SGPP2: variants seen among roughly 807,000 people sequenced by gnomAD.
SGPP2 encodes the protein sphingosine-1-phosphate phosphatase 2.
Under a neutral mutation model 33.9 loss-of-function variants are expected in SGPP2, and 30 were observed. The ratio of observed to expected loss-of-function variants is 0.89; its 90% confidence interval spans 0.66 to 1.20. The LOEUF (loss-of-function observed/expected upper bound fraction) is 1.20, where lower values mean the gene tolerates loss of function less well. Among genes scored for constraint, SGPP2 ranks in the 50% most tolerant of loss-of-function variants. SGPP2 has a pLI of 0.00. For missense variants in SGPP2, 458 were observed against 532.1 expected, an observed-to-expected ratio of 0.86 and a Z score of 1.37; for synonymous variants, 233 against 225.0, an observed-to-expected ratio of 1.04 and a Z score of -0.32.
intron 1 of SGPP2, chr2:222,452,741 C>T (rs781542942): frequency 1.2e-4 from 170 of 1,425,650 alleles, no homozygotes; most frequent in Middle Eastern, 5.2e-4. Context: ...GGTTTCCAGT[C>T]GTGTTCACCA....
chr2:222,429,129 G>A (rs1054955156), intron 1 of SGPP2, among the ~76,000 whole-genome samples: 1 of 152,110 alleles, frequency 6.6e-6, no homozygotes, highest in Non-Finnish European at 1.5e-5. Flanking sequence ...CAAGAACCAT[G>A]GTTTTCTAAC....
intron 2 of SGPP2, among the ~76,000 whole-genome samples, chr2:222,521,537 A>G (rs1395845692): frequency 6.6e-6 from 1 of 152,374 alleles, no homozygotes; most frequent in South Asian, 2.1e-4. Flanking sequence ...AATAAATAAT[A>G]TATGCATTAA....
At chr2:222,431,272 A>G (rs1697151201) in intron 1 of SGPP2, among the ~76,000 whole-genome samples, 1 of 152,048 alleles carries the variant, frequency 6.6e-6, no homozygotes, top group Non-Finnish European at 1.5e-5. Flanking sequence ...CGGGAGGCCA[A>G]GGAAGTCGGA....
intron 4 of SGPP2, among the ~76,000 whole-genome samples, chr2:222,553,238 T>C (rs1295556424): frequency 6.6e-6 from 1 of 152,226 alleles, no homozygotes; most frequent in East Asian, 1.9e-4. Context: ...GGAAAGGAAG[T>C]AGCTTTTAAA....
At chr2:222,451,543 T>C (rs1043317654) in intron 1 of SGPP2, among the ~76,000 whole-genome samples, 2 of 152,258 alleles carry the variant, frequency 1.3e-5, no homozygotes, top group Non-Finnish European at 2.9e-5. Flanking sequence ...GAAGGGCTGA[T>C]GTGCTGAGCC....
intron 4 of SGPP2, among the ~76,000 whole-genome samples, chr2:222,555,402 C>A (rs1207274301): frequency 6.9e-6 from 1 of 144,542 alleles, no homozygotes; most frequent in African/African-American, 2.5e-5. Context: ...ATTTAAAAGA[C>A]ATTTGTATTT....
chr2:222,447,873 A>G (rs1697420783), intron 1 of SGPP2, among the ~76,000 whole-genome samples: 1 of 152,210 alleles, frequency 6.6e-6, no homozygotes, highest in African/African-American at 2.4e-5. Flanking sequence ...AAAAATAACC[A>G]GAGGGGCACA....
intron 1 of SGPP2, among the ~76,000 whole-genome samples, chr2:222,431,058 G>A (rs1697145402): frequency 6.6e-6 from 1 of 152,086 alleles, no homozygotes; most frequent in South Asian, 2.1e-4. Flanking sequence ...TATCAATATT[G>A]TAACAAATGT....
intron 2 of SGPP2, among the ~76,000 whole-genome samples, chr2:222,520,223 G>A (rs1442895134): frequency 1.3e-5 from 2 of 152,068 alleles, no homozygotes; most frequent in Non-Finnish European, 2.9e-5. Context: ...CTGGTGTGAG[G>A]TGATATCTCA....
intron 1 of SGPP2, among the ~76,000 whole-genome samples, chr2:222,442,993 C>T (rs903657488): frequency 4.6e-5 from 7 of 152,098 alleles, no homozygotes; most frequent in Non-Finnish European, 7.4e-5. Flanking sequence ...GGAATGCCTC[C>T]GAAGTAATTG....
At chr2:222,524,220 G>T (rs1698725169) in intron 3 of SGPP2, among the ~76,000 whole-genome samples, 1 of 152,248 alleles carries the variant, frequency 6.6e-6, no homozygotes, top group Non-Finnish European at 1.5e-5. Flanking sequence ...AAAGGAGATA[G>T]TATAAAGTGC....
intron 1 of SGPP2, among the ~76,000 whole-genome samples, chr2:222,441,821 A>G (rs1574832365): frequency 1.3e-5 from 2 of 152,234 alleles, no homozygotes; most frequent in East Asian, 1.9e-4. Context: ...TAAATAAATT[A>G]TCATTGACAT....
chr2:222,543,378 C>T (rs1699025666), intron 4 of SGPP2, among the ~76,000 whole-genome samples: 1 of 152,148 alleles, frequency 6.6e-6, no homozygotes, highest in East Asian at 1.9e-4. Flanking sequence ...CCCTGTTATC[C>T]TCAGGGTATG....
At chr2:222,433,691 A>AC (rs1553532046) in intron 1 of SGPP2, among the ~76,000 whole-genome samples, 6 of 151,862 alleles carry the variant, frequency 4.0e-5, no homozygotes, top group Non-Finnish European at 8.8e-5. Context: ...TAGCTTGATG[A>AC]TTTTTTTCCC....
chr2:222,443,448 G>A (rs1697355218), intron 1 of SGPP2, among the ~76,000 whole-genome samples: 1 of 152,034 alleles, frequency 6.6e-6, no homozygotes, highest in Admixed American at 6.6e-5. Context: ...CCAATGTTTA[G>A]CTCCCACATA....
intron 4 of SGPP2, among the ~76,000 whole-genome samples, chr2:222,548,970 G>T (rs1167044748): frequency 1.3e-5 from 2 of 152,230 alleles, no homozygotes; most frequent in Non-Finnish European, 2.9e-5. Flanking sequence ...TAGAGTAACT[G>T]CAGTGTTTTG....
chr2:222,448,533 G>T (rs1697430314), intron 1 of SGPP2, among the ~76,000 whole-genome samples: 1 of 152,248 alleles, frequency 6.6e-6, no homozygotes, highest in Admixed American at 6.5e-5. Context: ...CTACTGTGTT[G>T]TAGTGGAGAA....
chr2:222,478,837 C>T (rs976418758), intron 2 of SGPP2, among the ~76,000 whole-genome samples: 17 of 152,142 alleles, frequency 1.1e-4, no homozygotes, highest in Admixed American at 1.0e-3. Flanking sequence ...ATAATTAGTC[C>T]TCACCTGTAT....
At chr2:222,538,094 T>C (rs1698940114) in intron 4 of SGPP2, among the ~76,000 whole-genome samples, 1 of 152,192 alleles carries the variant, frequency 6.6e-6, no homozygotes. Context: ...CTGTTTAATT[T>C]CTGTGACCTC....
Sources: allele counts gnomAD v4.1 joint callset (sites outside exome capture counted in the v4.1 genomes callset), GRCh38; gene constraint gnomAD v4.1.1; transcripts MANE v1.5; gene names NCBI Gene and HGNC (gene_info 2026-07-23, HGNC 2026-07-21).